The following VPS37A variants were observed in gnomAD, a reference collection of about 807,000 sequenced individuals.
The protein encoded by VPS37A is VPS37A subunit of ESCRT-I.
In VPS37A, 30 loss-of-function variants were observed where a neutral mutation model predicts 49.8. That is an observed-to-expected ratio of 0.60 (90% CI 0.45 to 0.82). The LOEUF (loss-of-function observed/expected upper bound fraction) is 0.82, where lower values mean the gene tolerates loss of function less well. Among genes scored for constraint, VPS37A ranks in the 40% least tolerant of loss-of-function variants. The pLI is 0.00. For missense variants in VPS37A, 593 were observed against 464.4 expected (o/e 1.28, Z -2.55); for synonymous variants, 195 against 160.6 (o/e 1.21, Z -1.62).
chr8:17,322,279 G>C, the VPS37A span, among the ~76,000 whole-genome samples: 11 of 152,220 alleles, frequency 7.2e-5, no homozygotes, highest in Admixed American at 7.2e-4. Context: ...ATTATGGCCT[G>C]TACGAGCGAA....
At chr8:17,329,661 G>T in the VPS37A span, among the ~76,000 whole-genome samples, 2 of 152,142 alleles carry the variant, frequency 1.3e-5, no homozygotes, top group Non-Finnish European at 2.9e-5. Flanking sequence ...TAACTTAAGG[G>T]TCCTGATAAA....
rs377492801 is a variant in VPS37A at position 17,268,890 on chromosome 8, A to G, written c.350A>G (p.Gln117Arg). ...CACTCAGATCTTGGAAAAATTATTC[A>G]GAGTCTGTTGGATGAGTTTTGGAAG... ...TMHSDLGKII[Q>R]SLLDEFWKNP... The change falls in exon 4 of 12, where the codon CAG becomes CGG. Residue 117 changes from glutamine (Q) to arginine (R), a missense_variant. Physicochemically the swap from Gln to Arg is conservative, Grantham distance 43. Coordinates refer to ENST00000324849, the MANE Select transcript of VPS37A (RefSeq NM_152415.3). 9 of 1,610,094 alleles carry G rather than the reference A, an allele frequency of 5.6e-6. No individual in the cohort carries two copies. The highest frequency in any genetic ancestry group is 6.8e-6 in the Non-Finnish European group (8 of 1,179,222).
Position 17,297,020 on chromosome 8 carries a change from G to T in VPS37A, c.*2034G>T, listed in dbSNP as rs542862598. Reference sequence around the variant, plus strand: ...CCGTATGAATGTGGGTTCTGTTTTTGCAACAGAGATTAAGTGACCATTTTT... The same window carrying T: ...CCGTATGAATGTGGGTTCTGTTTTTTCAACAGAGATTAAGTGACCATTTTT... On this transcript the variant is annotated 3_prime_UTR_variant, in exon 12 of 12. Coordinates refer to ENST00000324849, the MANE Select transcript of VPS37A (RefSeq NM_152415.3). 2.0e-5 allele frequency: 3 copies of T among 152,212 alleles called. No individual in the cohort carries two copies. In the South Asian group the frequency reaches 6.2e-4, roughly 32 times the overall value. The allele number at this position is 152,212 out of a possible 1,614,324, so 9.4% of individuals were successfully genotyped here.
the VPS37A span, among the ~76,000 whole-genome samples, chr8:17,328,535 G>A: frequency 2.0e-5 from 3 of 151,862 alleles, no homozygotes; most frequent in Admixed American, 6.6e-5. Context: ...ATGGCCACAC[G>A]TAGGGGAATA....
At chr8:17,302,116 A>G (rs1200767446), downstream of VPS37A, 1 of 1,613,444 alleles carries the variant, frequency 6.2e-7, no homozygotes, top group Admixed American at 1.7e-5. Context: ...TCAAGAAATA[A>G]GCACAGAAAA....
chr8:17,282,072 G>A (rs1273636913), intron 9 of VPS37A, among the ~76,000 whole-genome samples: 2 of 151,816 alleles, frequency 1.3e-5, no homozygotes, highest in African/African-American at 4.8e-5. Flanking sequence ...TTATTTTTCA[G>A]ATGGGTAGTC....
the VPS37A span, among the ~76,000 whole-genome samples, chr8:17,319,422 T>C: frequency 2.6e-5 from 4 of 152,304 alleles, no homozygotes; most frequent in East Asian, 1.9e-4. Context: ...CACTCAAACA[T>C]GTCAACGCTG....
rs1057504095 is a variant in VPS37A at position 17,247,016 on chromosome 8, C to T, written c.-229C>T. The T allele has an allele frequency of 1.4e-5, 8 of 582,104 alleles. No individual in the cohort carries two copies. Among genetic ancestry groups the T allele is most frequent in the Admixed American group, 1.2e-4 (4 of 32,178 alleles). 36.1% of individuals were successfully genotyped at this position (582,104 alleles called of 1,614,324 possible). On this transcript the variant is annotated 5_prime_UTR_variant, in exon 1 of 12. Coordinates refer to ENST00000324849, the MANE Select transcript of VPS37A (RefSeq NM_152415.3). ...GGGCGTCTGGGCCGTGAAGGTGGGA[C>T]CTCCTGTTCCGGGCCGCAAGTTTCC... is the stretch of plus-strand genomic sequence containing the variant.
chr8:17,273,023 C>CTTTTTTT lies in VPS37A; in HGVS notation c.417-1691_417-1685dup, dbSNP rs1166192119. The stretch of plus-strand genomic sequence containing the variant: ...TGAATGGTAGCATATTTTGCCCTTC[C>CTTTTTTT]TTTTTTTTTTTTTTTTTTTTTTTTT... On this transcript the variant is annotated intron_variant, in intron 4 of 11. Transcript: ENST00000324849. Among the ~76,000 whole-genome samples the CTTTTTTT allele has an allele frequency of 6.6e-4, 29 of 43,814 alleles. 1 individual carries two copies. The highest frequency in any genetic ancestry group is 1.0e-3 in the African/African-American group (10 of 9,836). The allele number at this position is 43,814 out of a possible 152,430, so 28.7% of individuals were successfully genotyped here.
intron 1 of VPS37A, among the ~76,000 whole-genome samples, chr8:17,257,816 T>A (rs1039853741): frequency 1.3e-5 from 2 of 152,202 alleles, no homozygotes; most frequent in African/African-American, 4.8e-5. Context: ...TCAATTTCTT[T>A]CATCAGTGTT....
At chr8:17,280,351 C>A (rs748444097) in intron 8 of VPS37A, 24 bp from the exon 9 acceptor site, 3 of 1,601,946 alleles carry the variant, frequency 1.9e-6, no homozygotes, top group Non-Finnish European at 1.7e-6. Flanking sequence ...TAGAATAAAA[C>A]AACCTTTTCA....
intron 1 of VPS37A, chr8:17,248,182 A>C (rs544269409): frequency 9.0e-5 from 34 of 377,200 alleles, no homozygotes; most frequent in South Asian, 6.8e-4. Context: ...TTTATATTTT[A>C]TGCATTTTGC....
At chr8:17,315,414 C>CAT in the VPS37A span, among the ~76,000 whole-genome samples, 122,182 of 151,838 alleles carry the variant, frequency 0.8, 49,450 homozygotes, top group African/African-American at 0.89. Context: ...ATTTATTAAA[C>CAT]GTGTCAAAAC....
downstream of VPS37A, chr8:17,300,223 CTCTAAGAAAGAAAT>C: frequency 5.0e-6 from 8 of 1,597,422 alleles, no homozygotes; most frequent in Non-Finnish European, 6.8e-6. Context: ...TTTTTCCAGC[CTCTAAGAAAGAAAT>C]AACAATTTCA....
intron 6 of VPS37A, among the ~76,000 whole-genome samples, chr8:17,277,908 A>G (rs1160264878): frequency 1.3e-5 from 2 of 151,746 alleles, no homozygotes; most frequent in Admixed American, 1.3e-4. Context: ...ACACAGACAT[A>G]TACATATGTG....
chr8:17,318,230 A>C, the VPS37A span, among the ~76,000 whole-genome samples: 1 of 152,152 alleles, frequency 6.6e-6, no homozygotes, highest in Non-Finnish European at 1.5e-5. Flanking sequence ...GAAGCCCCCA[A>C]GATAAGGAAT....
At chr8:17,304,713 C>A (rs1817337564), downstream of VPS37A, among the ~76,000 whole-genome samples, 1 of 137,568 alleles carries the variant, frequency 7.3e-6, no homozygotes, top group African/African-American at 3.0e-5. Context: ...AACTTCACCA[C>A]CATCTGTACT....
the VPS37A span, chr8:17,326,230 A>C: frequency 6.6e-6 from 1 of 152,292 alleles, no homozygotes; most frequent in South Asian, 2.1e-4. Flanking sequence ...TGGTGGTTCT[A>C]CCACTTACTA....
At chr8:17,308,080 T>A in the VPS37A span, among the ~76,000 whole-genome samples, 2 of 151,738 alleles carry the variant, frequency 1.3e-5, no homozygotes, top group Admixed American at 6.6e-5. Context: ...AAGAAAAAAA[T>A]AATTGCATTA....
Sources: gnomAD v4.1 joint callset for allele counts (sites outside exome capture counted in the v4.1 genomes callset) on GRCh38, gnomAD v4.1.1 for gene constraint, MANE v1.5 for transcripts, NCBI Gene and HGNC (gene_info 2026-07-23, HGNC 2026-07-21) for gene names.